BIRC6: variants seen among roughly 807,000 people sequenced by gnomAD.
BIRC6 encodes dual E2 ubiquitin-conjugating enzyme/E3 ubiquitin-protein ligase BIRC6.
A neutral mutation model predicts 503.3 loss-of-function variants in BIRC6; 98 were observed. That is an observed-to-expected ratio of 0.19 (90% CI 0.17 to 0.23). The LOEUF (loss-of-function observed/expected upper bound fraction) is 0.23. Ranked by LOEUF, BIRC6 falls within the 10% of genes least tolerant of loss-of-function variation. BIRC6 has a pLI of 1.00. For missense variants in BIRC6, 5,360 were observed against 5,806.0 expected, an observed-to-expected ratio of 0.92 and a Z score of 2.50; for synonymous variants, 2,240 against 2,078.7, an observed-to-expected ratio of 1.08 and a Z score of -2.11.
chr2:32,476,166 T>A, intron 33 of BIRC6, 47 bp from the exon 34 acceptor site: 1 of 1,427,058 alleles, frequency 7.0e-7, no homozygotes, highest in Non-Finnish European at 9.4e-7. Flanking sequence ...ATAATTTTTT[T>A]GTTTTTAACG....
chr2:32,488,437 TTAAC>T (rs1258063515), intron 41 of BIRC6, 147 bp from the exon 42 acceptor site: 1 of 519,866 alleles, frequency 1.9e-6, no homozygotes, highest in African/African-American at 2.0e-5. Flanking sequence ...ACTAATTTAA[TTAAC>T]TAGAAGATGC....
Position 32,507,999 on chromosome 2 carries a change from T to C in BIRC6, c.9720T>C (p.Ser3240=). 1 of 1,613,730 alleles carries C rather than the reference T, an allele frequency of 6.2e-7. No individual in the cohort carries two copies. Among genetic ancestry groups the C allele is most frequent in the Non-Finnish European group, 8.5e-7 (1 of 1,179,724 alleles). Residue 3240 remains serine, a synonymous_variant, in exon 51 of 74, where the codon TCT becomes TCC. Coordinates refer to ENST00000421745, the MANE Select transcript of BIRC6 (RefSeq NM_016252.4). ...TTATAGCCTGCCCTTCCTCAGTGTC[T>C]GTTGAAGTAAGTGCAGATGGGGTAA... ...ASLATCPSSV[S]VEVSADGVNM...
At chr2:32,574,421 A>G (rs1417982274) in intron 65 of BIRC6, among the ~76,000 whole-genome samples, 4 of 152,062 alleles carry the variant, frequency 2.6e-5, no homozygotes, top group Admixed American at 1.3e-4. Context: ...TCCGGCCCCA[A>G]GTATAACTCC....
At chr2:32,424,284 A>G (rs569367699) in intron 10 of BIRC6, among the ~76,000 whole-genome samples, 41 of 152,086 alleles carry the variant, frequency 2.7e-4, no homozygotes, top group Admixed American at 9.8e-4. Context: ...ATATATACAT[A>G]TTGGGTTTGA....
At chr2:32,461,073 C>CTGT (rs2047896346) in intron 23 of BIRC6, among the ~76,000 whole-genome samples, 7 of 4,472 alleles carry the variant, frequency 1.6e-3, no homozygotes, top group East Asian at 0.013. Flanking sequence ...TTCTGTTCTC[C>CTGT]TCTCCTCTCC....
At chr2:32,614,535 A>T (rs1439503138) in intron 73 of BIRC6, among the ~76,000 whole-genome samples, 1 of 152,228 alleles carries the variant, frequency 6.6e-6, no homozygotes, top group African/African-American at 2.4e-5. Flanking sequence ...ACACAAGAAA[A>T]ATACACAATT....
In BIRC6 at chr2:32,509,988, C is replaced by G. The variant is rs1572706855; in HGVS notation, c.10231C>G (p.Pro3411Ala). ...LRNCAASGSD[P>A]TDLNSPLLFG... The stretch of plus-strand genomic sequence containing the variant: ...AAATTGTGCAGCATCAGGCAGTGAT[C>G]CTACAGGTGATAATTAACTTTGATA... Residue 3411 changes from proline to alanine, a missense_variant, in exon 52 of 74, where the codon CCT becomes GCT. Coordinates refer to ENST00000421745, the MANE Select transcript of BIRC6 (RefSeq NM_016252.4). 6.2e-7 allele frequency: 1 copy of G among 1,613,220 alleles called. No homozygotes were observed. The highest frequency in any genetic ancestry group is 8.5e-7 in the Non-Finnish European group (1 of 1,179,682).
At chr2:32,498,550 G>A (rs1395285939) in intron 45 of BIRC6, among the ~76,000 whole-genome samples, 1 of 151,974 alleles carries the variant, frequency 6.6e-6, no homozygotes, top group Non-Finnish European at 1.5e-5. Flanking sequence ...ACAATACTGT[G>A]CAACCTTTTT....
chr2:32,575,033 C>A (rs1559085136), intron 65 of BIRC6, 123 bp from the exon 66 acceptor site: 7 of 997,138 alleles, frequency 7.0e-6, no homozygotes, highest in Non-Finnish European at 4.6e-6. Context: ...CAGGCCTGAA[C>A]CAGCGTGCCC....
In BIRC6 at chr2:32,559,809, T is replaced by C. The variant is rs532212146; in HGVS notation, c.13144+10328T>C. On this transcript the variant is annotated intron_variant, in intron 65 of 73. Transcript: ENST00000421745. The stretch of plus-strand genomic sequence containing the variant: ...GCCAAGGCCGGTGGATCACCTGAGT[T>C]CAAGGGTTTGCCTGGCCAACATGGT... Among the ~76,000 whole-genome samples the C allele has an allele frequency of 7.9e-5, 12 of 151,640 alleles. No homozygotes were observed. In the South Asian group the frequency reaches 2.5e-3, roughly 32 times the overall value.
chr2:32,401,559 C>T lies in BIRC6; in HGVS notation c.1354C>T (p.Pro452Ser). 6.2e-7 allele frequency: 1 copy of T among 1,613,952 alleles called. No individual in the cohort carries two copies. The highest frequency in any genetic ancestry group is 8.5e-7 in the Non-Finnish European group (1 of 1,179,876). Residue 452 changes from proline to serine, a missense_variant, in exon 8 of 74, where the codon CCA (proline) becomes TCA (serine). By Grantham distance (74) the Pro-to-Ser change is moderately conservative. Coordinates refer to ENST00000421745, the MANE Select transcript of BIRC6 (RefSeq NM_016252.4). The stretch of plus-strand genomic sequence containing the variant: ...AAGCTCAGGAGTTGATTCAAGGAGA[C>T]CAACTTTGGCGTGGCTGGAGGACTC... ...DPSSGVDSRRPTLAWLEDSSS... is the reference protein window; with the variant it reads ...DPSSGVDSRRSTLAWLEDSSS...
At chr2:32,465,388 A>T (rs1041493858) in intron 26 of BIRC6, among the ~76,000 whole-genome samples, 1 of 151,616 alleles carries the variant, frequency 6.6e-6, no homozygotes, top group African/African-American at 2.4e-5. Flanking sequence ...TTTGATCTAT[A>T]TATGAATCTT....
rs61754132 is a variant in BIRC6 at position 32,515,137 on chromosome 2, A to G, written c.10716A>G (p.Gln3572=). ...GWMGITPPPV[Q]CHHRLSMTDD... ...TGGGAATTACCCCTCCTCCAGTGCA[A>G]TGTCATCATAGACTGTCCATGACAG... The change falls in exon 55 of 74, where the codon CAA becomes CAG. Residue 3572 remains glutamine (Q), a synonymous_variant. Transcript: ENST00000421745. 6,731 of 1,613,990 alleles carry G rather than the reference A, an allele frequency of 4.2e-3. 28 individuals carry two copies. The highest frequency in any genetic ancestry group is 4.6e-3 in the Non-Finnish European group (5,416 of 1,179,886).
At chr2:32,465,187 T>TA in intron 26 of BIRC6, 23 bp downstream of exon 26, 1 of 705,784 alleles carries the variant, frequency 1.4e-6, no homozygotes, top group East Asian at 5.1e-5. Context: ...TTTCTTAAAT[T>TA]TTTTTTTTTT....
At chr2:32,499,048 C>G (rs1298105283) in intron 45 of BIRC6, among the ~76,000 whole-genome samples, 1 of 152,214 alleles carries the variant, frequency 6.6e-6, no homozygotes, top group African/African-American at 2.4e-5. Flanking sequence ...GTTAGACTGA[C>G]TTGCTGTTAG....
intron 6 of BIRC6, among the ~76,000 whole-genome samples, chr2:32,397,872 TG>T (rs2040146299): frequency 6.6e-6 from 1 of 152,110 alleles, no homozygotes; most frequent in African/African-American, 2.4e-5. Context: ...CTTGGGATAC[TG>T]AAAACCCATG....
At chr2:32,436,911 CAG>C (rs1457472371) in intron 15 of BIRC6, among the ~76,000 whole-genome samples, 4 of 107,164 alleles carry the variant, frequency 3.7e-5, no homozygotes, top group African/African-American at 7.3e-5. Context: ...TTTTTTGAGA[CAG>C]AGTTTTGCTC....
intron 58 of BIRC6, 98 bp downstream of exon 58, chr2:32,525,117 A>G (rs2056145695): frequency 2.8e-6 from 3 of 1,087,174 alleles, no homozygotes; most frequent in African/African-American, 1.6e-5. Context: ...TTGTACTAAT[A>G]TAAAAAGCTG....
intron 66 of BIRC6, among the ~76,000 whole-genome samples, chr2:32,582,573 G>A (rs2060745528): frequency 2.0e-5 from 3 of 152,122 alleles, no homozygotes; most frequent in African/African-American, 7.2e-5. Flanking sequence ...AGACTAGCCT[G>A]GTCAACATGG....
Sources: gnomAD v4.1 joint callset for allele counts (sites outside exome capture counted in the v4.1 genomes callset) on GRCh38, gnomAD v4.1.1 for gene constraint, MANE v1.5 for transcripts, NCBI Gene and HGNC (gene_info 2026-07-23, HGNC 2026-07-21) for gene names.